Variants in CYP2J2 observed in about 807,000 individuals in gnomAD.
CYP2J2 encodes cytochrome P450 2J2.
In CYP2J2, 41 loss-of-function variants were observed where a neutral mutation model predicts 48.8. The observed-to-expected ratio is 0.84, with a 90% CI of 0.66 to 1.09. The LOEUF (loss-of-function observed/expected upper bound fraction) is 1.09. Ranked by LOEUF, CYP2J2 falls within the 50% of genes least tolerant of loss-of-function variation. CYP2J2 has a pLI of 0.00. For synonymous variants in CYP2J2, 221 were observed against 227.1 expected (o/e 0.97, Z 0.24); for missense variants, 644 against 617.3 (o/e 1.04, Z -0.46).
At chr1:59,943,595 T>C in the CYP2J2 span, among the ~76,000 whole-genome samples, 2 of 152,108 alleles carry the variant, frequency 1.3e-5, no homozygotes, top group African/African-American at 4.8e-5. Flanking sequence ...GCAAGTTCGA[T>C]GAGTATATGC....
At chr1:59,897,523 C>A (rs529769879) in intron 8 of CYP2J2, among the ~76,000 whole-genome samples, 1 of 152,322 alleles carries the variant, frequency 6.6e-6, no homozygotes, top group South Asian at 2.1e-4. Flanking sequence ...AGAAAGGATA[C>A]TTGGCTCCCC....
chr1:59,897,078 CT>C (rs1559071388), intron 8 of CYP2J2, among the ~76,000 whole-genome samples: 1 of 152,198 alleles, frequency 6.6e-6, no homozygotes, highest in African/African-American at 2.4e-5. Context: ...GGCAAACATG[CT>C]TCATGGTTAT....
At chr1:59,937,187 C>T in the CYP2J2 span, among the ~76,000 whole-genome samples, 1,723 of 152,286 alleles carry the variant, frequency 0.011, 19 homozygotes, top group Middle Eastern at 0.02. Context: ...TCCCCAAATG[C>T]ATATCTGGTT....
At chr1:59,907,492 A>C (rs1033107892) in intron 6 of CYP2J2, among the ~76,000 whole-genome samples, 1 of 152,218 alleles carries the variant, frequency 6.6e-6, no homozygotes, top group African/African-American at 2.4e-5. Context: ...AGACTTTCAC[A>C]TCAGAAAGTT....
At chr1:59,924,726 AG>A (rs1644549509) in intron 1 of CYP2J2, among the ~76,000 whole-genome samples, 1 of 152,100 alleles carries the variant, frequency 6.6e-6, no homozygotes, top group South Asian at 2.1e-4. Flanking sequence ...AGTAATTCAC[AG>A]GAAGATAGGA....
At chr1:59,918,903 G>A (rs1005263112) in intron 1 of CYP2J2, among the ~76,000 whole-genome samples, 3 of 152,146 alleles carry the variant, frequency 2.0e-5, no homozygotes, top group Non-Finnish European at 4.4e-5. Flanking sequence ...AATGTTTACA[G>A]TAAAGAGGAA....
intron 8 of CYP2J2, 94 bp downstream of exon 8, chr1:59,900,871 G>C (rs1644313214): frequency 7.0e-7 from 1 of 1,424,116 alleles, no homozygotes. Context: ...GCTGTCTGGA[G>C]ACATTCCAAT....
At chr1:59,901,222 C>T (rs1644317268) in intron 7 of CYP2J2, 119 bp from the exon 8 acceptor site, 3 of 1,002,788 alleles carry the variant, frequency 3.0e-6, no homozygotes, top group East Asian at 4.9e-5. Context: ...CCCACCCTCC[C>T]CAATTGTGGT....
At chr1:59,963,562 T>C in the CYP2J2 span, among the ~76,000 whole-genome samples, 2 of 152,236 alleles carry the variant, frequency 1.3e-5, no homozygotes, top group Non-Finnish European at 2.9e-5. Context: ...ATGTATATAC[T>C]ACATTGTGTT....
At chr1:59,899,762 T>C (rs1244650498) in intron 8 of CYP2J2, among the ~76,000 whole-genome samples, 2 of 152,194 alleles carry the variant, frequency 1.3e-5, no homozygotes, top group African/African-American at 4.8e-5. Context: ...AATATAAACT[T>C]TATATGATTA....
chr1:59,895,844 C>T (rs186886376), intron 8 of CYP2J2, among the ~76,000 whole-genome samples: 66 of 152,288 alleles, frequency 4.3e-4, no homozygotes, highest in African/African-American at 1.4e-3. Flanking sequence ...GTCATTTCTT[C>T]CACATTTATT....
chr1:59,907,755 C>T, intron 6 of CYP2J2, 31 bp downstream of exon 6: 1 of 1,613,142 alleles, frequency 6.2e-7, no homozygotes, highest in Non-Finnish European at 8.5e-7. Flanking sequence ...CTATTCTGTC[C>T]TGGTTCAGGC....
intron 5 of CYP2J2, 149 bp downstream of exon 5, chr1:59,909,635 A>G (rs2102121212): frequency 5.2e-6 from 3 of 580,630 alleles, no homozygotes; most frequent in East Asian, 3.4e-5. Flanking sequence ...AGCTGATTTC[A>G]TACTTCTGAT....
Position 59,893,745 on chromosome 1 carries a change from C to G in CYP2J2, c.1415G>C (p.Arg472Thr), listed in dbSNP as rs1243723687. 1.2e-6 allele frequency: 2 copies of G among 1,613,092 alleles called. No individual in the cohort carries two copies. The highest frequency in any genetic ancestry group is 8.5e-7 in the Non-Finnish European group (1 of 1,179,632). ...GCTCAGCTTCTCATTGTTTGGGGGC[C>G]TGAAGGTAAATTTTTGCATAAGGGA... Reference protein sequence around the residue: ...FTSLMQKFTFRPPNNEKLSLK... With the variant: ...FTSLMQKFTFTPPNNEKLSLK... The change falls in exon 9 of 9, where the codon AGG becomes ACG. Residue 472 changes from arginine (R) to threonine (T), a missense_variant. Physicochemically the swap from Arg to Thr is moderately conservative, Grantham distance 71. Transcript: ENST00000371204.
At chr1:59,945,996 G>A in the CYP2J2 span, among the ~76,000 whole-genome samples, 2 of 152,206 alleles carry the variant, frequency 1.3e-5, no homozygotes, top group African/African-American at 4.8e-5. Context: ...TGCTTTAACA[G>A]TCTTCCTGCT....
chr1:59,916,170 T>C lies in CYP2J2; in HGVS notation c.211-70A>G. 4.5e-6 allele frequency: 6 copies of C among 1,347,854 alleles called. 1 individual carries two copies. The South Asian group carries it at 7.8e-5, about 18-fold the overall frequency. 83.5% of individuals were successfully genotyped at this position (1,347,854 alleles called of 1,614,324 possible). ...TGTGTTCAGAAATGGAGGATGTGTG[T>C]AGCTGGAGGGGATCATATTGAGAGG... On this transcript the variant is annotated intron_variant, in intron 1 of 8. Transcript: ENST00000371204.
the CYP2J2 span, among the ~76,000 whole-genome samples, chr1:59,944,244 A>T: frequency 1.3e-5 from 2 of 152,152 alleles, no homozygotes; most frequent in South Asian, 4.1e-4. Context: ...TTATTTTGAG[A>T]CAGGGTCTCA....
At chr1:59,930,660 A>G (rs1644598397), upstream of CYP2J2, among the ~76,000 whole-genome samples, 1 of 152,114 alleles carries the variant, frequency 6.6e-6, no homozygotes, top group Admixed American at 6.6e-5. Flanking sequence ...TATCAAATAT[A>G]TGATTTGTGA....
chr1:59,916,885 A>G (rs1644470946), intron 1 of CYP2J2, among the ~76,000 whole-genome samples: 1 of 152,046 alleles, frequency 6.6e-6, no homozygotes. Flanking sequence ...AATCTGGTGT[A>G]CCAAGTATGG....
Sources: gnomAD v4.1 joint callset for allele counts (sites outside exome capture counted in the v4.1 genomes callset) on GRCh38, gnomAD v4.1.1 for gene constraint, MANE v1.5 for transcripts, NCBI Gene and HGNC (gene_info 2026-07-23, HGNC 2026-07-21) for gene names.